The following DHX15 variants were observed in gnomAD, a reference collection of about 807,000 sequenced individuals.
DHX15 encodes DEAH-box helicase 15.
A neutral mutation model predicts 94.4 loss-of-function variants in DHX15; 11 were observed. The observed-to-expected ratio is 0.12, with a 90% confidence interval of 0.07 to 0.19. The LOEUF (loss-of-function observed/expected upper bound fraction) is 0.19. Ranked by LOEUF, DHX15 falls within the 10% of genes least tolerant of loss-of-function variation. The probability of loss-of-function intolerance (pLI) is 1.00; values close to 1 mark genes in which losing one functional copy is unlikely to be tolerated. For missense variants in DHX15, 304 were observed against 988.5 expected (o/e 0.31, Z 9.29); for synonymous variants, 338 against 329.9 (o/e 1.02, Z -0.27).
At chr4:24,584,278 C>T (rs989882892) in intron 1 of DHX15, 45 bp downstream of exon 1, 5 of 1,583,400 alleles carry the variant, frequency 3.2e-6, no homozygotes. Flanking sequence ...TGCCAGGACC[C>T]CAACAAAGCC....
At chr4:24,572,754 T>C (rs891135204) in intron 2 of DHX15, among the ~76,000 whole-genome samples, 3 of 152,216 alleles carry the variant, frequency 2.0e-5, no homozygotes, top group African/African-American at 7.2e-5. Flanking sequence ...CTAGGATCCC[T>C]GAAATGGTTT....
At chr4:24,532,546 A>T (rs1159555552) in intron 12 of DHX15, among the ~76,000 whole-genome samples, 8 of 152,246 alleles carry the variant, frequency 5.3e-5, no homozygotes. Flanking sequence ...CTGAAGAAAC[A>T]GGTGCCTAAT....
rs1721216894 is a variant in DHX15, at chr4:24,537,298, A to G, written c.1787-125T>C. On this transcript the variant is annotated intron_variant, in intron 10 of 13. Coordinates refer to ENST00000336812, the MANE Select transcript of DHX15 (RefSeq NM_001358.3). The surrounding 1 kb of genome is among the most constrained non-coding windows in gnomAD (Gnocchi z 4.7). ...ATAGGGCAGGGCAGGATGGCCTCCA[A>G]CTGCATCTTGGATTGTTTACTACCT... 2.4e-6 allele frequency: 3 copies of G among 1,274,780 alleles called. No individual in the cohort carries two copies. The highest frequency in any genetic ancestry group is 2.1e-6 in the Non-Finnish European group (2 of 933,998). 79.0% of individuals were successfully genotyped at this position (1,274,780 alleles called of 1,614,324 possible). A position where few individuals can be genotyped will look rare whatever the true frequency, so the allele number is the denominator to read the frequency against.
At chr4:24,580,476 G>T (rs1016888131) in intron 1 of DHX15, among the ~76,000 whole-genome samples, 1 of 151,112 alleles carries the variant, frequency 6.6e-6, no homozygotes, top group African/African-American at 2.4e-5. Flanking sequence ...ACATTAACTG[G>T]TCATCAAAAT....
intron 2 of DHX15, among the ~76,000 whole-genome samples, chr4:24,574,339 G>A (rs1688115413): frequency 6.6e-6 from 1 of 151,834 alleles, no homozygotes; most frequent in Non-Finnish European, 1.5e-5. Flanking sequence ...GAGCATGCTA[G>A]GAAACATTTG....
Position 24,576,317 on chromosome 4 carries a change from T to C in DHX15, c.433A>G (p.Arg145Gly). Residue 145 changes from arginine to glycine, a missense_variant, in exon 2 of 14, where the codon AGG becomes GGG. By Grantham distance (125) the Arg-to-Gly change is moderately radical. Transcript: ENST00000336812. ...LQLPVWEYKD[R>G]FTDILVRHQS... ...TGTCTAACCAGAATATCTGTAAACC[T>C]ATCCTTGTATTCCCAAACAGGGAGC... The C allele has an allele frequency of 6.2e-7, 1 of 1,614,242 alleles. No individual in the cohort carries two copies. The highest frequency in any genetic ancestry group is 1.7e-5 in the Admixed American group (1 of 60,024).
Position 24,542,820 on chromosome 4 carries a change from T to C in DHX15, c.1335+120A>G, listed in dbSNP as rs566480721. On this transcript the variant is annotated intron_variant, in intron 7 of 13. Transcript: ENST00000336812. ...CATAAAGGGTTCATACAGCAGAAAT[T>C]TGCAAATAAAAAAAAAGATAGGAAA... is the stretch of plus-strand genomic sequence containing the variant. The C allele has an allele frequency of 3.0e-5, 21 of 705,554 alleles. No individual in the cohort carries two copies. In the South Asian group the frequency reaches 4.4e-4, roughly 15 times the overall value. The allele number at this position is 705,554 out of a possible 1,614,324, so 43.7% of individuals were successfully genotyped here. A position where few individuals can be genotyped will look rare whatever the true frequency, so the allele number is the denominator to read the frequency against.
intron 3 of DHX15, among the ~76,000 whole-genome samples, chr4:24,567,662 C>G (rs559443871): frequency 1.3e-5 from 2 of 152,168 alleles, no homozygotes; most frequent in East Asian, 3.9e-4. Flanking sequence ...CCAACAACCT[C>G]TCCTTCCTTA....
Position 24,530,125 on chromosome 4 carries a change from C to T in DHX15, c.2101-355G>A, listed in dbSNP as rs539183142. 149 of 317,526 alleles carry T rather than the reference C, an allele frequency of 4.7e-4. 1 individual carries two copies. The highest frequency in any genetic ancestry group is 3.2e-3 in the African/African-American group (142 of 44,920). The allele number at this position is 317,526 out of a possible 1,614,324, so 19.7% of individuals were successfully genotyped here. A position where few individuals can be genotyped will look rare whatever the true frequency, so the allele number is the denominator to read the frequency against. ...ACACAGGCATGCCCATTTGTCTATA[C>T]CTATTATGCTCCAAGAGCAGGCAGT... On this transcript the variant is annotated intron_variant, in intron 12 of 13. Transcript: ENST00000336812.
At chr4:24,580,431 G>A (rs1722384641) in intron 1 of DHX15, among the ~76,000 whole-genome samples, 1 of 150,992 alleles carries the variant, frequency 6.6e-6, no homozygotes, top group Non-Finnish European at 1.5e-5. Context: ...ATTCTACATG[G>A]AATAATAACA....
intron 12 of DHX15, 80 bp downstream of exon 12, chr4:24,532,784 T>G (rs115727533): frequency 8.9e-7 from 1 of 1,125,610 alleles, no homozygotes; most frequent in African/African-American, 1.5e-5. Context: ...ACTTTTGCTT[T>G]TGAGTGGATT....
intron 1 of DHX15, 200 bp downstream of exon 1, chr4:24,584,122 GC>G (rs1722547800): frequency 3.4e-6 from 2 of 585,946 alleles, no homozygotes; most frequent in Admixed American, 3.2e-5. Flanking sequence ...CTGGGCAGCG[GC>G]CCCGTCGCAC....
chr4:24,570,976 G>T, intron 2 of DHX15, 129 bp from the exon 3 acceptor site: 2 of 944,676 alleles, frequency 2.1e-6, no homozygotes, highest in Non-Finnish European at 3.1e-6. Context: ...TATAAGACTT[G>T]TGATTCAAAA....
chr4:24,566,653 C>CT (rs1445963719), intron 3 of DHX15, among the ~76,000 whole-genome samples: 2 of 152,054 alleles, frequency 1.3e-5, no homozygotes, highest in Non-Finnish European at 2.9e-5. Context: ...CGGTGAAACT[C>CT]TGTCTCTACT....
chr4:24,554,990 A>C (rs1345167495), intron 4 of DHX15, 47 bp from the exon 5 acceptor site: 2 of 1,446,386 alleles, frequency 1.4e-6, no homozygotes, highest in African/African-American at 2.8e-5. Flanking sequence ...AAGGATTCTT[A>C]CATGGTCTTA....
At chr4:24,567,295 C>G (rs1722013107) in intron 3 of DHX15, among the ~76,000 whole-genome samples, 1 of 152,126 alleles carries the variant, frequency 6.6e-6, no homozygotes, top group African/African-American at 2.4e-5. Flanking sequence ...ATGTTACAAC[C>G]AGGCTGGGCG....
intron 12 of DHX15, among the ~76,000 whole-genome samples, chr4:24,531,035 A>G (rs1721073549): frequency 1.3e-5 from 2 of 152,154 alleles, no homozygotes; most frequent in African/African-American, 4.8e-5. Context: ...AGCTGTTTGT[A>G]ACAAATTTTA....
intron 3 of DHX15, 55 bp downstream of exon 3, chr4:24,570,599 T>C (rs1043945046): frequency 1.4e-5 from 22 of 1,543,024 alleles, no homozygotes; most frequent in African/African-American, 4.1e-5. Flanking sequence ...TTCTATCTAA[T>C]AGCAGAAAAT....
At chr4:24,575,948 G>C (rs1722257087) in intron 2 of DHX15, among the ~76,000 whole-genome samples, 1 of 152,088 alleles carries the variant, frequency 6.6e-6, no homozygotes, top group Non-Finnish European at 1.5e-5. Context: ...CCAAGTACCA[G>C]AAAACAAACT....
Sources: allele counts gnomAD v4.1 joint callset (sites outside exome capture counted in the v4.1 genomes callset), GRCh38; gene constraint gnomAD v4.1.1; non-coding constraint Gnocchi (gnomAD v3.1); transcripts MANE v1.5; gene names NCBI Gene and HGNC (gene_info 2026-07-23, HGNC 2026-07-21).